Variants in CSMD1 observed in about 807,000 individuals in gnomAD.
CSMD1 encodes CUB and sushi domain-containing protein 1.
A neutral mutation model predicts 417.5 loss-of-function variants in CSMD1; 213 were observed. The observed-to-expected ratio is 0.51, with a 90% CI of 0.46 to 0.57. CSMD1 has a LOEUF of 0.57. Among genes scored for constraint, CSMD1 ranks in the 20% least tolerant of loss-of-function variants. CSMD1 has a pLI of 0.00. For synonymous variants in CSMD1, 2,862 were observed against 1,736.8 expected, an observed-to-expected ratio of 1.65 and a Z score of -16.11; for missense variants, 6,923 against 4,529.7, an observed-to-expected ratio of 1.53 and a Z score of -15.17.
chr8:4,011,984 G>T (rs971020641), intron 4 of CSMD1, among the ~76,000 whole-genome samples: 1 of 151,614 alleles, frequency 6.6e-6, no homozygotes, highest in African/African-American at 2.4e-5. Flanking sequence ...AAATGTCACA[G>T]AAATGGCTGT....
chr8:4,402,086 A>C (rs1220688147), intron 3 of CSMD1, among the ~76,000 whole-genome samples: 1 of 151,876 alleles, frequency 6.6e-6, no homozygotes, highest in African/African-American at 2.4e-5. Context: ...CTTTGTTCTC[A>C]ACCTCCTCCC....
chr8:3,000,796 A>T (rs1807332350), intron 52 of CSMD1, among the ~76,000 whole-genome samples: 1 of 152,168 alleles, frequency 6.6e-6, no homozygotes, highest in Non-Finnish European at 1.5e-5. Context: ...GGCAGGGCTT[A>T]CTCAGGTGCA....
chr8:4,205,732 C>A (rs7833403), intron 3 of CSMD1, among the ~76,000 whole-genome samples: 12 of 126,478 alleles, frequency 9.5e-5, no homozygotes, highest in African/African-American at 4.3e-4. Context: ...CAGCTCACTT[C>A]CTAGGCCACT....
At chr8:4,248,131 T>C (rs189828518) in intron 3 of CSMD1, among the ~76,000 whole-genome samples, 6 of 152,280 alleles carry the variant, frequency 3.9e-5, no homozygotes, top group African/African-American at 1.4e-4. Flanking sequence ...TTTAAACAAA[T>C]GGGCTATTTT....
chr8:4,278,354 A>C lies in CSMD1; in HGVS notation c.415+141599T>G, dbSNP rs568115551. 3.3e-5 allele frequency among the ~76,000 whole-genome samples: 5 copies of C among 152,228 alleles called. No individual in the cohort carries two copies. The East Asian group carries it at 9.6e-4, about 29-fold the overall frequency. On this transcript the variant is annotated intron_variant, in intron 3 of 69. Transcript: ENST00000635120. The stretch of plus-strand genomic sequence containing the variant: ...ATGGCTAATATGTGACTTAAAATTC[A>C]TAAGGAAACTGAAACTATAAAATTA...
chr8:4,295,893 C>T (rs1251798797), intron 3 of CSMD1, among the ~76,000 whole-genome samples: 4 of 150,860 alleles, frequency 2.7e-5, no homozygotes, highest in Non-Finnish European at 5.9e-5. Flanking sequence ...TGTCTTTTCT[C>T]CATTGCCTGC....
intron 3 of CSMD1, among the ~76,000 whole-genome samples, chr8:4,178,351 G>T (rs558139523): frequency 6.6e-6 from 1 of 150,984 alleles, no homozygotes; most frequent in Admixed American, 6.6e-5. Flanking sequence ...CTCAATAGAT[G>T]CAGAAAAGGC....
At chr8:3,459,564 G>C (rs1435857297) in intron 12 of CSMD1, among the ~76,000 whole-genome samples, 1 of 152,170 alleles carries the variant, frequency 6.6e-6, no homozygotes, top group Non-Finnish European at 1.5e-5. Flanking sequence ...GATCTGTGCA[G>C]AAATGCATCC....
At chr8:4,766,016 T>C (rs1405114853) in intron 1 of CSMD1, among the ~76,000 whole-genome samples, 1 of 152,206 alleles carries the variant, frequency 6.6e-6, no homozygotes, top group Non-Finnish European at 1.5e-5. Context: ...TTCAAATATA[T>C]ATTTTTTAAT....
intron 2 of CSMD1, among the ~76,000 whole-genome samples, chr8:4,516,908 A>C (rs955884152): frequency 2.0e-5 from 3 of 152,152 alleles, no homozygotes; most frequent in Non-Finnish European, 2.9e-5. Context: ...TATTTTTATA[A>C]GAATATGAAT....
chr8:3,272,631 T>C lies in CSMD1; in HGVS notation c.4153+11513A>G, dbSNP rs1322760914. Among the ~76,000 whole-genome samples the C allele has an allele frequency of 2.9e-5, 4 of 138,004 alleles. 1 individual carries two copies. Among genetic ancestry groups the C allele is most frequent in the Non-Finnish European group, 6.3e-5 (4 of 63,750 alleles). The allele number at this position is 138,004 out of a possible 152,430, so 90.5% of individuals were successfully genotyped here. On this transcript the variant is annotated intron_variant, in intron 26 of 69. Transcript: ENST00000635120. ...TTGAGCAGTGGTTTGTAGTTCTCCT[T>C]GAAGAGGTCCTTCACATCCCTTGTA...
chr8:4,426,431 A>C (rs987434236), intron 2 of CSMD1, among the ~76,000 whole-genome samples: 1 of 148,850 alleles, frequency 6.7e-6, no homozygotes, highest in African/African-American at 2.4e-5. Context: ...TCATAAACAT[A>C]TACTATATAG....
intron 5 of CSMD1, among the ~76,000 whole-genome samples, chr8:3,842,157 G>T (rs1313475365): frequency 6.6e-6 from 1 of 152,008 alleles, no homozygotes; most frequent in Non-Finnish European, 1.5e-5. Flanking sequence ...ACAACCTCAG[G>T]TTTTCTTAAA....
chr8:3,850,891 C>G (rs921352825), intron 5 of CSMD1, among the ~76,000 whole-genome samples: 1 of 152,034 alleles, frequency 6.6e-6, no homozygotes, highest in Non-Finnish European at 1.5e-5. Context: ...ATTATTATCA[C>G]AGGAAACAGA....
At chr8:3,092,935 A>C (rs1293494318) in intron 47 of CSMD1, among the ~76,000 whole-genome samples, 1 of 152,194 alleles carries the variant, frequency 6.6e-6, no homozygotes, top group African/African-American at 2.4e-5. Flanking sequence ...CTATGAAGTA[A>C]AGTGACAGCT....
intron 11 of CSMD1, among the ~76,000 whole-genome samples, chr8:3,477,978 A>G (rs1331750842): frequency 6.6e-6 from 1 of 152,234 alleles, no homozygotes; most frequent in Non-Finnish European, 1.5e-5. Context: ...TTGAATAAAT[A>G]ATCATATTAT....
intron 36 of CSMD1, among the ~76,000 whole-genome samples, chr8:3,187,114 T>A (rs1041703908): frequency 6.6e-6 from 1 of 152,116 alleles, no homozygotes; most frequent in Non-Finnish European, 1.5e-5. Context: ...GCTCAGGAAA[T>A]GTGGGCAACT....
intron 65 of CSMD1, among the ~76,000 whole-genome samples, chr8:2,953,688 C>T (rs1014721449): frequency 1.3e-5 from 2 of 152,268 alleles, no homozygotes; most frequent in Admixed American, 6.5e-5. Context: ...TGCATCTTTG[C>T]GATTTGCTAT....
At chr8:3,578,476 C>G (rs935696902) in intron 9 of CSMD1, among the ~76,000 whole-genome samples, 2 of 152,170 alleles carry the variant, frequency 1.3e-5, no homozygotes, top group Admixed American at 6.6e-5. Context: ...GCAAAGGAAG[C>G]GGATGGCTGC....
Sources: allele counts gnomAD v4.1 joint callset (sites outside exome capture counted in the v4.1 genomes callset), GRCh38; gene constraint gnomAD v4.1.1; transcripts MANE v1.5; gene names NCBI Gene and HGNC (gene_info 2026-07-23, HGNC 2026-07-21).